Variants in FSTL5 observed in about 807,000 individuals in gnomAD.
FSTL5 encodes the protein follistatin like 5.
In FSTL5, 62 loss-of-function variants were observed where a neutral mutation model predicts 89.1. The observed-to-expected ratio is 0.70, with a 90% CI of 0.57 to 0.86. The LOEUF (loss-of-function observed/expected upper bound fraction) is 0.86. Ranked by LOEUF, FSTL5 falls within the 40% of genes least tolerant of loss-of-function variation. The pLI is 0.00. For missense variants in FSTL5, 1,057 were observed against 1,001.6 expected (o/e 1.06, Z -0.75); for synonymous variants, 383 against 346.2 (o/e 1.11, Z -1.18).
intron 2 of FSTL5, among the ~76,000 whole-genome samples, chr4:162,066,322 TC>T (rs35884839): frequency 0.1 from 4,393 of 43,470 alleles, 169 homozygotes; most frequent in South Asian, 0.23. Context: ...TTCTTCTTCT[TC>T]TTCTTCTTCT....
At chr4:162,017,485 T>G (rs1243337032) in intron 3 of FSTL5, among the ~76,000 whole-genome samples, 1 of 152,170 alleles carries the variant, frequency 6.6e-6, no homozygotes, top group Non-Finnish European at 1.5e-5. Flanking sequence ...ATGTGTTAAT[T>G]TTACAACAGA....
At chr4:161,649,198 A>G (rs1316754964) in intron 7 of FSTL5, among the ~76,000 whole-genome samples, 1 of 152,202 alleles carries the variant, frequency 6.6e-6, no homozygotes, top group African/African-American at 2.4e-5. Flanking sequence ...AATGAGAAAG[A>G]TAATTCAAGA....
At chr4:161,697,556 G>C (rs897802368) in intron 6 of FSTL5, among the ~76,000 whole-genome samples, 6 of 152,136 alleles carry the variant, frequency 3.9e-5, no homozygotes, top group African/African-American at 1.2e-4. Context: ...GCATTCCCAT[G>C]TTTATTGTAG....
chr4:161,586,520 C>G (rs1733623676), intron 8 of FSTL5, among the ~76,000 whole-genome samples: 1 of 152,130 alleles, frequency 6.6e-6, no homozygotes, highest in Admixed American at 6.5e-5. Context: ...AAATATATTC[C>G]AAATGTGACC....
intron 2 of FSTL5, among the ~76,000 whole-genome samples, chr4:162,048,598 TACACACACAC>T (rs34979000): frequency 6.7e-6 from 1 of 149,430 alleles, no homozygotes; most frequent in East Asian, 2.0e-4. Flanking sequence ...ATTATACACA[TACACACACAC>T]ACACACACAC....
rs928220399 is a variant in FSTL5 at position 161,669,227 on chromosome 4, A to G, written c.728-12733T>C. 2.6e-5 allele frequency among the ~76,000 whole-genome samples: 4 copies of G among 152,160 alleles called. 1 individual carries two copies. Among genetic ancestry groups the G allele is most frequent in the African/African-American group, 2.4e-5 (1 of 41,552 alleles). ...ATTATCAAGATATCAGTTTTTCTCC[A>G]CTCCATCTTTAAATTTAATGCAATC... is the stretch of plus-strand genomic sequence containing the variant. On this transcript the variant is annotated intron_variant, in intron 6 of 15. Transcript: ENST00000306100.
intron 15 of FSTL5, among the ~76,000 whole-genome samples, chr4:161,431,100 T>C (rs536869366): frequency 7.9e-5 from 12 of 152,116 alleles, no homozygotes; most frequent in African/African-American, 2.9e-4. Flanking sequence ...TAATAAGAAA[T>C]CATCTGAAGG....
intron 6 of FSTL5, among the ~76,000 whole-genome samples, chr4:161,694,786 G>A (rs1441540863): frequency 6.8e-6 from 1 of 146,968 alleles, no homozygotes; most frequent in Non-Finnish European, 1.5e-5. Context: ...GGGATTGCTG[G>A]TGTTATTGTT....
chr4:161,451,610 G>C (rs1447056021), intron 15 of FSTL5, among the ~76,000 whole-genome samples: 2 of 152,216 alleles, frequency 1.3e-5, no homozygotes, highest in Admixed American at 6.5e-5. Flanking sequence ...AAGGTCACCA[G>C]AGTCAATGGT....
At chr4:161,917,736 A>G (rs955319765) in intron 4 of FSTL5, among the ~76,000 whole-genome samples, 2 of 152,162 alleles carry the variant, frequency 1.3e-5, no homozygotes, top group East Asian at 3.9e-4. Context: ...AGGGGTTAAC[A>G]AACTTTTTCT....
At chr4:161,567,787 T>C (rs1235110945) in intron 8 of FSTL5, among the ~76,000 whole-genome samples, 1 of 71,430 alleles carries the variant, frequency 1.4e-5, no homozygotes, top group Non-Finnish European at 3.1e-5. Context: ...GATTTGCTCC[T>C]ATAAACAAGA....
intron 6 of FSTL5, among the ~76,000 whole-genome samples, chr4:161,751,844 C>T (rs920996102): frequency 2.0e-5 from 3 of 151,926 alleles, no homozygotes; most frequent in African/African-American, 7.3e-5. Context: ...TTTTGTAATG[C>T]TAGCATGTAA....
intron 6 of FSTL5, among the ~76,000 whole-genome samples, chr4:161,662,961 CAGA>C (rs950123793): frequency 1.3e-5 from 2 of 152,048 alleles, no homozygotes; most frequent in South Asian, 2.1e-4. Flanking sequence ...TACATGGCAG[CAGA>C]AGGAGAAAAA....
intron 1 of FSTL5, among the ~76,000 whole-genome samples, chr4:162,132,671 G>A (rs1232315466): frequency 6.6e-6 from 1 of 152,048 alleles, no homozygotes; most frequent in Non-Finnish European, 1.5e-5. Flanking sequence ...AACTATCTTT[G>A]CTTCTTGAAA....
In FSTL5 at chr4:161,977,612, CAAAAAAA is replaced by C. The variant is rs796909244; in HGVS notation, c.160+56006_160+56012del. Among the ~76,000 whole-genome samples, 333 of 95,096 alleles carry C rather than the reference CAAAAAAA, an allele frequency of 3.5e-3. 2 individuals are homozygous for C. The highest frequency in any genetic ancestry group is 9.3e-3 in the African/African-American group (237 of 25,590). 62.4% of individuals were successfully genotyped at this position (95,096 alleles called of 152,430 possible). On this transcript the variant is annotated intron_variant, in intron 3 of 15. Transcript: ENST00000306100. ...TGGGCGACACAGCGAGACTCCGTGTCAAAAAAAAAAAAAAAAAAAAAAAAAAAAATAA... is the reference window on the plus strand; with the variant it reads ...TGGGCGACACAGCGAGACTCCGTGTCAAAAAAAAAAAAAAAAAAAAAATAA...
chr4:161,535,484 C>T (rs982751900), intron 10 of FSTL5, among the ~76,000 whole-genome samples: 3 of 151,990 alleles, frequency 2.0e-5, no homozygotes, highest in East Asian at 1.9e-4. Context: ...AAATGCTCCA[C>T]GTCATCACTC....
At chr4:161,658,486 G>T (rs117158089) in intron 6 of FSTL5, among the ~76,000 whole-genome samples, 3 of 151,386 alleles carry the variant, frequency 2.0e-5, no homozygotes, top group African/African-American at 4.9e-5. Flanking sequence ...GAATATTTTC[G>T]GTCTGTTTTA....
intron 8 of FSTL5, among the ~76,000 whole-genome samples, chr4:161,566,378 T>A (rs1732817783): frequency 6.6e-6 from 1 of 151,960 alleles, no homozygotes; most frequent in African/African-American, 2.4e-5. Context: ...CTAGATTGAT[T>A]CCACATCTTT....
chr4:161,862,156 A>G (rs1315422459), intron 4 of FSTL5, among the ~76,000 whole-genome samples: 1 of 152,230 alleles, frequency 6.6e-6, no homozygotes, highest in Non-Finnish European at 1.5e-5. Flanking sequence ...ATTGTTTACT[A>G]ACTTGTGATA....
Sources: allele counts gnomAD v4.1 joint callset (sites outside exome capture counted in the v4.1 genomes callset), GRCh38; gene constraint gnomAD v4.1.1; transcripts MANE v1.5; gene names NCBI Gene and HGNC (gene_info 2026-07-23, HGNC 2026-07-21).